Variants in CNOT10 observed in about 807,000 individuals in gnomAD.
CNOT10 encodes the protein CCR4-NOT transcription complex, subunit 10.
CNOT10 carries 30 observed loss-of-function variants against 94.6 expected under a neutral mutation model. That is an observed-to-expected ratio of 0.32 (90% confidence interval 0.24 to 0.43). CNOT10 has a LOEUF of 0.43. Among genes scored for constraint, CNOT10 ranks in the 20% least tolerant of loss-of-function variants. CNOT10 has a pLI of 1.00. For synonymous variants in CNOT10, 289 were observed against 301.6 expected (o/e 0.96, Z 0.43); for missense variants, 759 against 877.2 (o/e 0.87, Z 1.70).
At chr3:32,696,343 A>G (rs1697069388) in intron 1 of CNOT10, among the ~76,000 whole-genome samples, 1 of 151,318 alleles carries the variant, frequency 6.6e-6, no homozygotes. Flanking sequence ...AGAAGAAGAA[A>G]TGGGGTCTCA....
intron 1 of CNOT10, among the ~76,000 whole-genome samples, chr3:32,695,252 A>G (rs1402021668): frequency 6.6e-6 from 1 of 152,294 alleles, no homozygotes; most frequent in African/African-American, 2.4e-5. Context: ...TAGAAATCAT[A>G]TGTGAGGTAT....
At chr3:32,730,730 T>A (rs1698904089) in intron 10 of CNOT10, 1 of 152,268 alleles carries the variant, frequency 6.6e-6, no homozygotes, top group South Asian at 2.1e-4. Flanking sequence ...TTTAAAAAAA[T>A]TAACTTGTTT....
In CNOT10 at chr3:32,704,924, A is replaced by G; in HGVS notation, c.231A>G (p.Gln77=). The G allele has an allele frequency of 6.4e-7, 1 of 1,560,962 alleles. No homozygotes were observed. Among genetic ancestry groups the G allele is most frequent in the East Asian group, 2.3e-5 (1 of 42,558 alleles). ...TAVAEFFKSN[Q]TTTDNLRQTL... Reference sequence around the variant, plus strand: ...TAGCTGAGTTTTTTAAAAGTAACCAAACAACAACAGATAATTTGAGACAAA... The same window carrying G: ...TAGCTGAGTTTTTTAAAAGTAACCAGACAACAACAGATAATTTGAGACAAA... Residue 77 remains glutamine, a synonymous_variant, in exon 3 of 19, where the codon CAA becomes CAG. Coordinates refer to ENST00000328834, the MANE Select transcript of CNOT10 (RefSeq NM_015442.3).
chr3:32,716,548 A>G (rs1698129968), intron 6 of CNOT10, among the ~76,000 whole-genome samples: 1 of 152,232 alleles, frequency 6.6e-6, no homozygotes. Context: ...TGGCACGGGA[A>G]TGTACTGCAT....
chr3:32,733,254 T>C (rs1354502285), intron 10 of CNOT10, among the ~76,000 whole-genome samples, 169 bp from the exon 11 acceptor site: 1 of 152,198 alleles, frequency 6.6e-6, no homozygotes, highest in Non-Finnish European at 1.5e-5. Flanking sequence ...TTCAGCCTTA[T>C]ATACTTTTTC....
At chr3:32,743,284 C>T (rs2125596122) in intron 13 of CNOT10, among the ~76,000 whole-genome samples, 1 of 152,014 alleles carries the variant, frequency 6.6e-6, no homozygotes, top group East Asian at 1.9e-4. Context: ...ACCCACCCAG[C>T]TTAATGAGTA....
At chr3:32,728,988 C>T (rs1023292354) in intron 10 of CNOT10, among the ~76,000 whole-genome samples, 3 of 152,026 alleles carry the variant, frequency 2.0e-5, no homozygotes, top group Admixed American at 6.6e-5. Context: ...CCCAGCTACT[C>T]GGGAGGGTGA....
chr3:32,709,606 T>C (rs1403385783), intron 4 of CNOT10, among the ~76,000 whole-genome samples: 2 of 152,168 alleles, frequency 1.3e-5, no homozygotes, highest in Non-Finnish European at 2.9e-5. Context: ...AGCTGATTAC[T>C]ATGGCTCCAG....
chr3:32,757,523 CTT>C (rs1451960622), intron 13 of CNOT10, among the ~76,000 whole-genome samples: 1 of 152,076 alleles, frequency 6.6e-6, no homozygotes. Context: ...CTTTAATAGT[CTT>C]TTTTTGTTCA....
chr3:32,732,641 A>T (rs900978405), intron 10 of CNOT10, among the ~76,000 whole-genome samples: 1 of 151,550 alleles, frequency 6.6e-6, no homozygotes, highest in African/African-American at 2.4e-5. Flanking sequence ...GGGTCTCACT[A>T]TGTTGCCCAG....
chr3:32,702,508 CATATT>C (rs998902587), intron 1 of CNOT10, among the ~76,000 whole-genome samples: 55 of 152,310 alleles, frequency 3.6e-4, no homozygotes, highest in African/African-American at 1.3e-3. Flanking sequence ...GGACACTTAA[CATATT>C]AAAGAAACTT....
At chr3:32,742,176 T>C (rs1699501266) in intron 13 of CNOT10, among the ~76,000 whole-genome samples, 1 of 151,534 alleles carries the variant, frequency 6.6e-6, no homozygotes, top group Non-Finnish European at 1.5e-5. Context: ...GGATAGTCTC[T>C]TGACCTCGTG....
intron 1 of CNOT10, among the ~76,000 whole-genome samples, chr3:32,692,848 G>T (rs1173363201): frequency 6.6e-6 from 1 of 152,050 alleles, no homozygotes; most frequent in African/African-American, 2.4e-5. Context: ...GAGTTCAAGA[G>T]CAGCCTGGGC....
At chr3:32,711,681 A>C (rs1697895577) in intron 4 of CNOT10, among the ~76,000 whole-genome samples, 1 of 152,246 alleles carries the variant, frequency 6.6e-6, no homozygotes, top group African/African-American at 2.4e-5. Context: ...GCTACTGTTT[A>C]GAGGGAAAGC....
chr3:32,729,578 G>A (rs1007419125), intron 10 of CNOT10, among the ~76,000 whole-genome samples: 1 of 152,078 alleles, frequency 6.6e-6, no homozygotes, highest in African/African-American at 2.4e-5. Flanking sequence ...AAAGAAGTGT[G>A]TTTGCTAGTT....
chr3:32,693,302 G>A (rs1470273372), intron 1 of CNOT10, among the ~76,000 whole-genome samples: 3 of 151,254 alleles, frequency 2.0e-5, no homozygotes, highest in African/African-American at 7.3e-5. Context: ...CCGCAGCCTC[G>A]ACCTCCCGGA....
At chr3:32,718,426 T>C (rs1352907512) in intron 7 of CNOT10, among the ~76,000 whole-genome samples, 12 of 148,594 alleles carry the variant, frequency 8.1e-5, no homozygotes, top group Admixed American at 5.4e-4. Flanking sequence ...CTACTAAAAA[T>C]ACAAAAAATG....
At chr3:32,759,130 AGTGTG>A (rs1700332594) in intron 13 of CNOT10, among the ~76,000 whole-genome samples, 2 of 149,524 alleles carry the variant, frequency 1.3e-5, no homozygotes, top group African/African-American at 4.9e-5. Context: ...ATATATATAT[AGTGTG>A]TGTGTGTGTG....
chr3:32,695,014 C>T (rs992548537), intron 1 of CNOT10, among the ~76,000 whole-genome samples: 12 of 152,130 alleles, frequency 7.9e-5, no homozygotes, highest in African/African-American at 1.2e-4. Flanking sequence ...CCTGAGCCAC[C>T]GTGCTGGCCA....
Sources: allele counts gnomAD v4.1 joint callset (sites outside exome capture counted in the v4.1 genomes callset), GRCh38; gene constraint gnomAD v4.1.1; transcripts MANE v1.5; gene names NCBI Gene and HGNC (gene_info 2026-07-23, HGNC 2026-07-21).